TTC23L: variants seen among roughly 807,000 people sequenced by gnomAD.
The protein encoded by TTC23L is tetratricopeptide repeat protein 23-like.
In TTC23L, 42 loss-of-function variants were observed where a neutral mutation model predicts 48.1. The observed-to-expected ratio is 0.87, with a 90% CI of 0.68 to 1.13. The LOEUF (loss-of-function observed/expected upper bound fraction) is 1.13. TTC23L is among the 50% of genes most tolerant of loss of function. TTC23L has a pLI of 0.00. For missense variants in TTC23L, 391 were observed against 421.0 expected (o/e 0.93, Z 0.62); for synonymous variants, 159 against 157.2 (o/e 1.01, Z -0.09).
chr5:34,908,853 T>G, the TTC23L span: 4 of 1,612,452 alleles, frequency 2.5e-6, no homozygotes, highest in South Asian at 3.3e-5. Flanking sequence ...AATCATATAC[T>G]GTAATGAAAG....
chr5:34,885,487 G>A (rs1217371506), intron 9 of TTC23L, among the ~76,000 whole-genome samples: 2 of 152,176 alleles, frequency 1.3e-5, no homozygotes, highest in East Asian at 3.8e-4. Context: ...ATGCCTGTCT[G>A]TAATTCCAGT....
At chr5:34,839,358 A>G (rs1324020922) in intron 1 of TTC23L, 99 bp downstream of exon 1, 3 of 152,794 alleles carry the variant, frequency 2.0e-5, no homozygotes, top group Non-Finnish European at 4.4e-5. Flanking sequence ...CTCCGCCTTG[A>G]GCCAGGTGCC....
At chr5:34,887,120 T>C (rs1386007009) in intron 9 of TTC23L, among the ~76,000 whole-genome samples, 1 of 152,180 alleles carries the variant, frequency 6.6e-6, no homozygotes, top group Admixed American at 6.5e-5. Context: ...GCAGTCTACA[T>C]CAGGTTCGCA....
chr5:34,909,785 C>A, the TTC23L span, among the ~76,000 whole-genome samples: 1 of 152,176 alleles, frequency 6.6e-6, no homozygotes. Context: ...AAGGCTATTG[C>A]ATGGTTTTCC....
At position 34,871,682 on chromosome 5, in the gene TTC23L, TTGG is replaced by T. The variant is rs1761478825; in HGVS notation, c.949+2673_949+2675del. Among the ~76,000 whole-genome samples the T allele has an allele frequency of 2.0e-5, 3 of 152,322 alleles. No individual in the cohort carries two copies. In the East Asian group the frequency reaches 5.8e-4, roughly 29 times the overall value. ...GCAGTAATCAAGAGAATGTGGTATA[TTGG>T]TGGAGGGACAGATACTAATAACATA... is the stretch of plus-strand genomic sequence containing the variant. On this transcript the variant is annotated intron_variant, in intron 8 of 10. Transcript: ENST00000505624.
chr5:34,917,360 G>C, the TTC23L span, among the ~76,000 whole-genome samples: 3 of 152,124 alleles, frequency 2.0e-5, no homozygotes, highest in Admixed American at 2.0e-4. Flanking sequence ...ATGGTCCAGC[G>C]TGGTGGCTCA....
intron 5 of TTC23L, among the ~76,000 whole-genome samples, chr5:34,864,179 G>A (rs565524372): frequency 1.3e-5 from 2 of 152,086 alleles, no homozygotes; most frequent in African/African-American, 2.4e-5. Flanking sequence ...TACAGTTTCC[G>A]CTCACTCCTG....
chr5:34,850,186 A>C (rs753821200), exon 4 of TTC23L: 4 of 1,613,828 alleles, frequency 2.5e-6, no homozygotes, highest in Non-Finnish European at 3.4e-6. Flanking sequence ...ACTCTACAGA[A>C]TACTCAAGCA....
the TTC23L span, among the ~76,000 whole-genome samples, chr5:34,924,310 A>G: frequency 6.6e-6 from 1 of 152,256 alleles, no homozygotes; most frequent in East Asian, 1.9e-4. Flanking sequence ...TGTGAGTTGA[A>G]CACATCATCC....
At chr5:34,892,621 A>T (rs1762941408) in intron 9 of TTC23L, among the ~76,000 whole-genome samples, 1 of 152,200 alleles carries the variant, frequency 6.6e-6, no homozygotes, top group Non-Finnish European at 1.5e-5. Flanking sequence ...GTAATAAATC[A>T]TGAGGTTAGA....
At chr5:34,917,034 C>T in the TTC23L span, among the ~76,000 whole-genome samples, 5 of 151,832 alleles carry the variant, frequency 3.3e-5, no homozygotes, top group African/African-American at 1.2e-4. Context: ...TATTTTTACC[C>T]TAGTATAATA....
intron 4 of TTC23L, among the ~76,000 whole-genome samples, chr5:34,851,903 C>A (rs968829680): frequency 3.3e-5 from 5 of 152,018 alleles, no homozygotes; most frequent in Admixed American, 3.3e-4. Flanking sequence ...ATGATAGGTA[C>A]CATTCTAGAG....
At chr5:34,901,133 T>TAC (rs550198046), downstream of TTC23L, among the ~76,000 whole-genome samples, 19 of 152,306 alleles carry the variant, frequency 1.2e-4, no homozygotes, top group South Asian at 3.9e-3. Flanking sequence ...GACTAGTATA[T>TAC]ACATATATTT....
chr5:34,883,492 A>T, intron 9 of TTC23L: 1 of 174,870 alleles, frequency 5.7e-6, no homozygotes. Flanking sequence ...CTAATGGGAA[A>T]GAGCCTGAGC....
the TTC23L span, among the ~76,000 whole-genome samples, chr5:34,904,486 C>T: frequency 1.3e-5 from 2 of 150,306 alleles, no homozygotes; most frequent in Non-Finnish European, 3.0e-5. Flanking sequence ...CCCAACTACT[C>T]GGGAGGCTGA....
the TTC23L span, chr5:34,922,360 A>G: frequency 9.8e-7 from 1 of 1,020,760 alleles, no homozygotes; most frequent in East Asian, 2.4e-5. Flanking sequence ...TATGTTATAG[A>G]CTCCTAGTGT....
chr5:34,868,948 A>G, exon 8 of TTC23L: 1 of 1,611,740 alleles, frequency 6.2e-7, no homozygotes, highest in Non-Finnish European at 8.5e-7. Context: ...GTCAGCCCCA[A>G]AACTGCAGAA....
the TTC23L span, chr5:34,918,302 C>A: frequency 1.1e-6 from 1 of 887,022 alleles, no homozygotes; most frequent in Non-Finnish European, 1.8e-6. Flanking sequence ...GAGACCCTGT[C>A]ACAAAACAAG....
At chr5:34,875,360 C>T (rs888887506) in intron 8 of TTC23L, among the ~76,000 whole-genome samples, 4 of 152,036 alleles carry the variant, frequency 2.6e-5, no homozygotes, top group African/African-American at 9.7e-5. Context: ...ATATTAAACT[C>T]ACAGGATCAC....
Sources: allele counts gnomAD v4.1 joint callset (sites outside exome capture counted in the v4.1 genomes callset), GRCh38; gene constraint gnomAD v4.1.1; transcripts MANE v1.5; gene names NCBI Gene and HGNC (gene_info 2026-07-23, HGNC 2026-07-21).